EYS: variants seen among roughly 807,000 people sequenced by gnomAD.
EYS encodes EGF-like photoreceptor maintenance factor, also known as protein eyes shut homolog.
Under a neutral mutation model 282.1 loss-of-function variants are expected in EYS, and 250 were observed. That is an observed-to-expected ratio of 0.89 (90% CI 0.80 to 0.98). The LOEUF is 0.98. Among genes scored for constraint, EYS ranks in the 50% least tolerant of loss-of-function variants. The probability of loss-of-function intolerance (pLI) is 0.00; values close to 1 mark genes in which losing one functional copy is unlikely to be tolerated. For missense variants in EYS, 4,016 were observed against 3,709.0 expected (o/e 1.08, Z -2.15); for synonymous variants, 1,355 against 1,282.9 (o/e 1.06, Z -1.20).
chr6:65,006,982 G>A (rs1035404696), intron 13 of EYS, among the ~76,000 whole-genome samples: 2 of 152,180 alleles, frequency 1.3e-5, no homozygotes, highest in African/African-American at 4.8e-5. Flanking sequence ...CAGCTGGGTT[G>A]TTGTGAAATA....
At chr6:64,743,445 T>C (rs185114765) in intron 22 of EYS, among the ~76,000 whole-genome samples, 12 of 152,136 alleles carry the variant, frequency 7.9e-5, no homozygotes, top group Admixed American at 7.2e-4. Flanking sequence ...ATAGAAATAG[T>C]AAATAATGAT....
chr6:65,017,819 T>C (rs1772103057), intron 13 of EYS, among the ~76,000 whole-genome samples: 1 of 152,228 alleles, frequency 6.6e-6, no homozygotes, highest in Non-Finnish European at 1.5e-5. Flanking sequence ...TAATAGGTAA[T>C]GTTATTACCT....
intron 12 of EYS, among the ~76,000 whole-genome samples, chr6:65,222,202 G>C (rs559899303): frequency 5.9e-5 from 9 of 152,268 alleles, no homozygotes; most frequent in African/African-American, 2.2e-4. Flanking sequence ...TGAAACTTGA[G>C]TGCATGAGAT....
In EYS at chr6:64,413,033, C is replaced by T. The variant is rs1268123304; in HGVS notation, c.5927+23141G>A. ...TCCACAAAACTGCTAAAAGGCCAAA[C>T]TCCTATACAGGCTGCAAGGAGCAGG... On this transcript the variant is annotated intron_variant, in intron 28 of 42. Coordinates refer to ENST00000503581, the MANE Select transcript of EYS (RefSeq NM_001142800.2). 7.9e-5 allele frequency among the ~76,000 whole-genome samples: 12 copies of T among 152,136 alleles called. 1 individual carries two copies.
At chr6:65,382,502 T>TGC (rs1554190294) in intron 8 of EYS, among the ~76,000 whole-genome samples, 4 of 150,446 alleles carry the variant, frequency 2.7e-5, no homozygotes, top group African/African-American at 9.8e-5. Flanking sequence ...TGTGTGTGTG[T>TGC]GCTCTTCTAG....
At position 64,591,758 on chromosome 6, in the gene EYS, T is replaced by A; in HGVS notation, c.4109A>T (p.His1370Leu). Residue 1370 changes from histidine to leucine, a missense_variant, in exon 26 of 43, where the codon CAT (histidine) becomes CTT (leucine). Coordinates refer to ENST00000503581, the MANE Select transcript of EYS (RefSeq NM_001142800.2). ...QIVQDKTSVS[H>L]MPIRTSAATL... ...GGCTGCTGAAGTTCGAATAGGCATA[T>A]GTGATACCGATGTTTTGTCCTGGAC... 1 of 1,551,328 alleles carries A rather than the reference T, an allele frequency of 6.4e-7. No individual in the cohort carries two copies.
intron 35 of EYS, among the ~76,000 whole-genome samples, chr6:63,890,921 A>T (rs1016552292): frequency 5.3e-5 from 8 of 152,256 alleles, no homozygotes; most frequent in Non-Finnish European, 7.3e-5. Context: ...CACTGATCCC[A>T]CAGAAATACA....
At chr6:65,610,523 T>C (rs1192321043) in intron 2 of EYS, among the ~76,000 whole-genome samples, 1 of 152,070 alleles carries the variant, frequency 6.6e-6, no homozygotes, top group African/African-American at 2.4e-5. Flanking sequence ...AAAAGGTGCA[T>C]TTTTTCATTG....
chr6:65,403,096 A>G (rs1766580770), intron 6 of EYS, among the ~76,000 whole-genome samples: 1 of 152,058 alleles, frequency 6.6e-6, no homozygotes, highest in Admixed American at 6.6e-5. Context: ...AAGTCTAGAC[A>G]CTTTCCGATG....
At chr6:64,570,650 A>G (rs535045698) in intron 26 of EYS, among the ~76,000 whole-genome samples, 1 of 152,298 alleles carries the variant, frequency 6.6e-6, no homozygotes, top group South Asian at 2.1e-4. Context: ...CTGATAAAAT[A>G]GACTTTAAAC....
At chr6:65,187,937 C>A (rs1765551774) in intron 12 of EYS, among the ~76,000 whole-genome samples, 1 of 151,712 alleles carries the variant, frequency 6.6e-6, no homozygotes, top group South Asian at 2.1e-4. Flanking sequence ...CTTCTAATTT[C>A]ACTGTCCCTA....
intron 12 of EYS, among the ~76,000 whole-genome samples, chr6:65,227,004 G>GC: frequency 6.6e-6 from 1 of 152,238 alleles, no homozygotes; most frequent in South Asian, 2.1e-4. Context: ...GGAGGCCGAG[G>GC]CCTGTGGATC....
chr6:65,442,839 C>T (rs1582298858), intron 5 of EYS, among the ~76,000 whole-genome samples: 1 of 101,084 alleles, frequency 9.9e-6, no homozygotes, highest in African/African-American at 2.7e-5. Context: ...TATATACATA[C>T]ATATACACAT....
intron 26 of EYS, among the ~76,000 whole-genome samples, chr6:64,534,741 C>CA (rs1255616650): frequency 8.6e-5 from 13 of 151,856 alleles, no homozygotes; most frequent in African/African-American, 3.1e-4. Context: ...GAAACAACAA[C>CA]ATTTTCTCTC....
At chr6:64,935,654 A>G (rs1282856906) in intron 15 of EYS, among the ~76,000 whole-genome samples, 1 of 151,752 alleles carries the variant, frequency 6.6e-6, no homozygotes, top group African/African-American at 2.4e-5. Flanking sequence ...CAAAAACAAA[A>G]AAGGATTCAA....
At chr6:65,479,541 A>T (rs143983342) in intron 5 of EYS, among the ~76,000 whole-genome samples, 1,620 of 152,312 alleles carry the variant, frequency 0.011, 31 homozygotes, top group African/African-American at 0.037. Context: ...ACACACATAT[A>T]TGTTTAATTT....
At chr6:64,680,951 TG>T (rs1282715651) in intron 22 of EYS, among the ~76,000 whole-genome samples, 6 of 152,152 alleles carry the variant, frequency 3.9e-5, no homozygotes, top group African/African-American at 1.4e-4. Context: ...AAGAAAATTT[TG>T]GGGGTAAGTA....
chr6:64,372,130 GTTTTTTTTTTTT>G (rs201498090), intron 29 of EYS, among the ~76,000 whole-genome samples: 88 of 97,712 alleles, frequency 9.0e-4, no homozygotes, highest in African/African-American at 2.6e-3. Context: ...GTATACTTGT[GTTTTTTTTTTTT>G]TTTTTTTTTT....
chr6:65,286,179 AT>A (rs1768357083), intron 12 of EYS, among the ~76,000 whole-genome samples: 1 of 151,868 alleles, frequency 6.6e-6, no homozygotes, highest in Admixed American at 6.6e-5. Flanking sequence ...ATTTACTCTC[AT>A]TTAGTTATTT....
Sources: gnomAD v4.1 joint callset for allele counts (sites outside exome capture counted in the v4.1 genomes callset) on GRCh38, gnomAD v4.1.1 for gene constraint, MANE v1.5 for transcripts, NCBI Gene and HGNC (gene_info 2026-07-23, HGNC 2026-07-21) for gene names.